CXADR: variants seen among roughly 807,000 people sequenced by gnomAD.
CXADR encodes coxsackievirus and adenovirus receptor.
CXADR carries 20 observed loss-of-function variants against 40.3 expected under a neutral mutation model. The ratio of observed to expected loss-of-function variants is 0.50; its 90% confidence interval spans 0.35 to 0.72. The LOEUF (loss-of-function observed/expected upper bound fraction) is 0.72. Ranked by LOEUF, CXADR falls within the 30% of genes least tolerant of loss-of-function variation. The probability of loss-of-function intolerance (pLI) is 0.01; values close to 1 mark genes in which losing one functional copy is unlikely to be tolerated. For missense variants in CXADR, 332 were observed against 449.1 expected (o/e 0.74, Z 2.36); for synonymous variants, 150 against 161.3 (o/e 0.93, Z 0.53).
chr21:17,604,742 G>T, the CXADR span: 3 of 1,244,192 alleles, frequency 2.4e-6, no homozygotes, highest in Non-Finnish European at 3.2e-6. Flanking sequence ...TTACATCTGA[G>T]AGAGTTAAAC....
chr21:17,564,780 G>T (rs1480338276), intron 6 of CXADR, among the ~76,000 whole-genome samples: 2 of 152,032 alleles, frequency 1.3e-5, no homozygotes, highest in African/African-American at 4.8e-5. Context: ...TGGCGCCCAG[G>T]CTGGAGTGCT....
downstream of CXADR, chr21:17,593,931 ATT>A: frequency 1.1e-6 from 1 of 949,294 alleles, no homozygotes; most frequent in South Asian, 2.0e-5. Flanking sequence ...AAGTGCATAT[ATT>A]TTTTAAGAAA....
chr21:17,563,440 G>A (rs113979009), intron 6 of CXADR, among the ~76,000 whole-genome samples: 1 of 151,926 alleles, frequency 6.6e-6, no homozygotes, highest in South Asian at 2.1e-4. Context: ...GAGGATGTTG[G>A]GGGGGATGGC....
At chr21:17,623,350 A>C in the CXADR span, among the ~76,000 whole-genome samples, 4 of 132,634 alleles carry the variant, frequency 3.0e-5, no homozygotes, top group East Asian at 9.2e-4. Context: ...AATTCATTAA[A>C]TACATAACTA....
the CXADR span, among the ~76,000 whole-genome samples, chr21:17,635,012 A>C: frequency 3.3e-5 from 5 of 152,242 alleles, no homozygotes; most frequent in African/African-American, 1.2e-4. Context: ...ACTGCTCTTT[A>C]ATAAAGATAA....
chr21:17,555,836 T>A (rs1329520946), intron 3 of CXADR, among the ~76,000 whole-genome samples: 1 of 152,228 alleles, frequency 6.6e-6, no homozygotes, highest in Admixed American at 6.5e-5. Context: ...TTTTAGCATC[T>A]ATTGATAGAT....
At chr21:17,594,264 A>G, downstream of CXADR, 1 of 1,613,300 alleles carries the variant, frequency 6.2e-7, no homozygotes, top group Non-Finnish European at 8.5e-7. Flanking sequence ...CATTCCCTCG[A>G]TACATTCCTG....
downstream of CXADR, among the ~76,000 whole-genome samples, chr21:17,594,956 C>T (rs117320239): frequency 3.3e-5 from 5 of 151,478 alleles, no homozygotes; most frequent in Non-Finnish European, 5.9e-5. Context: ...CACATGTTTA[C>T]CTATGGAACA....
intron 7 of CXADR, chr21:17,576,733 AC>A (rs2061324868): frequency 1.3e-5 from 2 of 152,156 alleles, no homozygotes; most frequent in South Asian, 4.1e-4. Context: ...TTATGTACTA[AC>A]CATGAGAAAA....
chr21:17,565,829 A>AT lies in CXADR; in HGVS notation c.*142dup. The stretch of plus-strand genomic sequence containing the variant: ...GTTAATCAGGAACTGTACGGAATAT[A>AT]TTTTTAAAAATTTTTGTTTGGTTAT... On this transcript the variant is annotated 3_prime_UTR_variant, in exon 7 of 7. Transcript: ENST00000284878. 1.5e-6 allele frequency: 2 copies of AT among 1,322,644 alleles called. No individual in the cohort carries two copies. The highest frequency in any genetic ancestry group is 1.9e-6 in the Non-Finnish European group (2 of 1,033,232). The allele number at this position is 1,322,644 out of a possible 1,614,324, so 81.9% of individuals were successfully genotyped here.
intron 2 of CXADR, among the ~76,000 whole-genome samples, chr21:17,551,349 C>A (rs2123266880): frequency 6.6e-6 from 1 of 151,166 alleles, no homozygotes; most frequent in East Asian, 2.0e-4. Context: ...GCCGAGATCT[C>A]ACCATTGCAC....
chr21:17,523,235 C>T (rs770981113), intron 1 of CXADR, among the ~76,000 whole-genome samples: 1 of 152,150 alleles, frequency 6.6e-6, no homozygotes, highest in Non-Finnish European at 1.5e-5. Context: ...ATAGGTCAGG[C>T]ACTGTTTACA....
chr21:17,568,371 G>T lies in CXADR; in HGVS notation c.*2679G>T. On this transcript the variant is annotated 3_prime_UTR_variant, in exon 7 of 7. Transcript: ENST00000284878. ...TCTCGATCTCCTGACCTCGTGATCT[G>T]CCTGCCTCGGCCTCCCAAAGTGCTG... The T allele has an allele frequency of 1.1e-6, 1 of 918,034 alleles. No individual in the cohort carries two copies. The highest frequency in any genetic ancestry group is 1.8e-5 in the African/African-American group (1 of 55,552). 56.9% of individuals were successfully genotyped at this position (918,034 alleles called of 1,614,324 possible). A position where few individuals can be genotyped will look rare whatever the true frequency, so the allele number is the denominator to read the frequency against.
At chr21:17,635,151 A>C in the CXADR span, among the ~76,000 whole-genome samples, 1 of 152,166 alleles carries the variant, frequency 6.6e-6, no homozygotes, top group Admixed American at 6.5e-5. Context: ...TCCTTTAATA[A>C]CCTCCTTTTG....
At chr21:17,560,332 G>A (rs979189) in intron 4 of CXADR, among the ~76,000 whole-genome samples, 2 of 152,066 alleles carry the variant, frequency 1.3e-5, no homozygotes, top group Non-Finnish European at 2.9e-5. Flanking sequence ...TTCCATCTAG[G>A]GGGGAATAAA....
In CXADR at chr21:17,566,246, G is replaced by A; in HGVS notation, c.*554G>A. 21 of 979,374 alleles carry A rather than the reference G, an allele frequency of 2.1e-5. No individual in the cohort carries two copies. The highest frequency in any genetic ancestry group is 2.5e-5 in the Non-Finnish European group (21 of 824,470). The allele number at this position is 979,374 out of a possible 1,614,324, so 60.7% of individuals were successfully genotyped here. ...CTCTAAAAACATAGAAAACACTACA[G>A]TGGTTTAGAAATTACTAATTTTACT... On this transcript the variant is annotated 3_prime_UTR_variant, in exon 7 of 7. Transcript: ENST00000284878.
chr21:17,632,660 G>A, the CXADR span, among the ~76,000 whole-genome samples: 2 of 152,194 alleles, frequency 1.3e-5, no homozygotes, highest in East Asian at 3.9e-4. Flanking sequence ...GAGGTCAGAA[G>A]ATTGAGACCA....
At chr21:17,572,029 A>G (rs2061281213), downstream of CXADR, among the ~76,000 whole-genome samples, 1 of 152,096 alleles carries the variant, frequency 6.6e-6, no homozygotes, top group Non-Finnish European at 1.5e-5. Context: ...TTAAATATGC[A>G]TCATATACTC....
At chr21:17,611,932 G>A in the CXADR span, 1 of 152,236 alleles carries the variant, frequency 6.6e-6, no homozygotes, top group Non-Finnish European at 1.5e-5. Flanking sequence ...TGGAGGGCGC[G>A]AGAAGACTGG....
Sources: gnomAD v4.1 joint callset for allele counts (sites outside exome capture counted in the v4.1 genomes callset) on GRCh38, gnomAD v4.1.1 for gene constraint, MANE v1.5 for transcripts, NCBI Gene and HGNC (gene_info 2026-07-23, HGNC 2026-07-21) for gene names.